The following CALN1 variants were observed in gnomAD, a reference collection of about 807,000 sequenced individuals.
The protein encoded by CALN1 is calcium-binding protein 8.
In CALN1, 17 loss-of-function variants were observed where a neutral mutation model predicts 30.6. That is an observed-to-expected ratio of 0.56 (90% CI 0.38 to 0.83). The LOEUF (loss-of-function observed/expected upper bound fraction) is 0.83. Among genes scored for constraint, CALN1 ranks in the 40% least tolerant of loss-of-function variants. The probability of loss-of-function intolerance (pLI) is 0.00; values close to 1 mark genes in which losing one functional copy is unlikely to be tolerated. For missense variants in CALN1, 291 were observed against 354.9 expected (o/e 0.82, Z 1.45); for synonymous variants, 156 against 131.4 (o/e 1.19, Z -1.28).
chr7:72,338,470 A>AGTGTGTGTGTGTGTGTGTGTGTGT lies in CALN1; in HGVS notation c.120-59684_120-59661dup, dbSNP rs56695086. ...GGGCGTTTTTGTCAGCCAGCAGCAC[A>AGTGTGTGTGTGTGTGTGTGTGTGT]GTGTGTGTGTGTGTGTGTGTGTGTG... On this transcript the variant is annotated intron_variant, in intron 2 of 6. Transcript: ENST00000395275. 9.5e-4 allele frequency among the ~76,000 whole-genome samples: 71 copies of AGTGTGTGTGTGTGTGTGTGTGTGT among 74,792 alleles called. 4 individuals are homozygous for AGTGTGTGTGTGTGTGTGTGTGTGT. The highest frequency in any genetic ancestry group is 1.5e-3 in the South Asian group (3 of 1,990). The allele number at this position is 74,792 out of a possible 152,430, so 49.1% of individuals were successfully genotyped here. A position where few individuals can be genotyped will look rare whatever the true frequency, so the allele number is the denominator to read the frequency against.
intron 5 of CALN1, among the ~76,000 whole-genome samples, chr7:71,826,726 G>C (rs931387985): frequency 1.3e-5 from 2 of 152,110 alleles, no homozygotes; most frequent in Non-Finnish European, 2.9e-5. Context: ...TTTCCTACAG[G>C]TCTCGCCCAA....
At chr7:72,470,312 G>A in the CALN1 span, among the ~76,000 whole-genome samples, 1 of 152,178 alleles carries the variant, frequency 6.6e-6, no homozygotes, top group African/African-American at 2.4e-5. Context: ...AGGATGCTGA[G>A]GCAGGAGGAT....
chr7:72,140,332 AAGGAAGGAAGGGAGGGAGGGAGGG>A lies in CALN1; in HGVS notation c.245-34062_245-34039del, dbSNP rs1230025750. 2.4e-3 allele frequency among the ~76,000 whole-genome samples: 195 copies of A among 82,602 alleles called. 2 individuals carry two copies. Among genetic ancestry groups the A allele is most frequent in the South Asian group, 0.023 (42 of 1,842 alleles). The allele number at this position is 82,602 out of a possible 152,430, so 54.2% of individuals were successfully genotyped here. A position where few individuals can be genotyped will look rare whatever the true frequency, so the allele number is the denominator to read the frequency against. ...GAAAGAGAGGAACAGAGAAAGGGAG[AAGGAAGGAAGGGAGGGAGGGAGGG>A]AGGGAGGGAGGGAGGGAGGGAGGGA... is the stretch of plus-strand genomic sequence containing the variant. On this transcript the variant is annotated intron_variant, in intron 3 of 6. Coordinates refer to ENST00000395275, the MANE Select transcript of CALN1 (RefSeq NM_031468.4).
chr7:71,820,310 T>G (rs908656567), intron 5 of CALN1, among the ~76,000 whole-genome samples: 1 of 152,140 alleles, frequency 6.6e-6, no homozygotes, highest in Non-Finnish European at 1.5e-5. Context: ...TGTCCAGCCT[T>G]TTTAGACTGA....
intron 6 of CALN1, among the ~76,000 whole-genome samples, chr7:71,799,443 T>G (rs969124046): frequency 7.2e-6 from 1 of 139,418 alleles, no homozygotes; most frequent in Non-Finnish European, 1.5e-5. Context: ...ATTTATTTAT[T>G]TATTTATTTA....
chr7:71,983,920 A>C (rs555707478), intron 5 of CALN1, among the ~76,000 whole-genome samples: 11 of 152,230 alleles, frequency 7.2e-5, no homozygotes, highest in Non-Finnish European at 1.5e-4. Flanking sequence ...AAATATAATC[A>C]AACTATATTA....
chr7:72,327,335 A>G (rs1281029036), intron 2 of CALN1, among the ~76,000 whole-genome samples: 2 of 152,210 alleles, frequency 1.3e-5, no homozygotes, highest in Non-Finnish European at 1.5e-5. Context: ...TCTACTAAAA[A>G]TACGAAAATT....
intron 3 of CALN1, among the ~76,000 whole-genome samples, chr7:72,149,645 A>G (rs955330431): frequency 3.3e-5 from 5 of 151,934 alleles, no homozygotes; most frequent in African/African-American, 9.7e-5. Flanking sequence ...CTTCTATCCC[A>G]TAATACTCCC....
intron 4 of CALN1, among the ~76,000 whole-genome samples, chr7:72,086,653 C>G (rs1001604907): frequency 2.6e-5 from 4 of 152,136 alleles, no homozygotes; most frequent in Non-Finnish European, 5.9e-5. Context: ...AGGCTTGTCT[C>G]AAACTCCTGA....
intron 2 of CALN1, among the ~76,000 whole-genome samples, chr7:72,345,168 T>C (rs1254326144): frequency 1.3e-5 from 2 of 149,880 alleles, no homozygotes; most frequent in East Asian, 1.9e-4. Flanking sequence ...GAAAAGAACA[T>C]CTTACAGATC....
chr7:72,213,107 G>A (rs1310146270), intron 3 of CALN1, among the ~76,000 whole-genome samples: 5 of 152,214 alleles, frequency 3.3e-5, no homozygotes, highest in South Asian at 2.1e-4. Flanking sequence ...ACGTGGGTCC[G>A]TTCTGGCAGT....
At chr7:71,958,314 T>C (rs1797073064) in intron 5 of CALN1, among the ~76,000 whole-genome samples, 1 of 152,130 alleles carries the variant, frequency 6.6e-6, no homozygotes, top group South Asian at 2.1e-4. Context: ...TCTTGCCCTA[T>C]TCTCATACTG....
intron 3 of CALN1, among the ~76,000 whole-genome samples, chr7:72,151,730 G>A (rs949135011): frequency 6.6e-6 from 1 of 151,950 alleles, no homozygotes; most frequent in Admixed American, 6.6e-5. Context: ...GTTGTTGTTA[G>A]AGACAGGGTC....
chr7:72,179,058 T>G (rs1789570890), intron 3 of CALN1, among the ~76,000 whole-genome samples: 1 of 152,200 alleles, frequency 6.6e-6, no homozygotes, highest in Non-Finnish European at 1.5e-5. Flanking sequence ...AAGGTAAAAC[T>G]TAGATATTTT....
intron 1 of CALN1, among the ~76,000 whole-genome samples, chr7:72,427,153 T>TA (rs1173060996): frequency 3.1e-4 from 47 of 152,262 alleles, no homozygotes; most frequent in African/African-American, 1.1e-3. Flanking sequence ...TGACTAATTT[T>TA]AAAAAATTAT....
upstream of CALN1, among the ~76,000 whole-genome samples, chr7:72,449,868 C>G (rs1413208999): frequency 3.1e-5 from 3 of 97,776 alleles, no homozygotes; most frequent in Admixed American, 2.8e-4. Context: ...GAGCAAGACT[C>G]CGTCTCAAAA....
chr7:72,496,973 T>A, the CALN1 span, among the ~76,000 whole-genome samples: 1 of 152,154 alleles, frequency 6.6e-6, no homozygotes, highest in African/African-American at 2.4e-5. Context: ...AGACAAGGAA[T>A]GTGGAAAAGG....
At chr7:71,831,326 A>G (rs986300118) in intron 5 of CALN1, among the ~76,000 whole-genome samples, 2 of 152,046 alleles carry the variant, frequency 1.3e-5, no homozygotes, top group African/African-American at 4.8e-5. Context: ...TAAAAATACA[A>G]AAAATTAGCC....
At chr7:72,402,134 G>C (rs574595759) in intron 2 of CALN1, among the ~76,000 whole-genome samples, 1 of 152,112 alleles carries the variant, frequency 6.6e-6, no homozygotes, top group African/African-American at 2.4e-5. Context: ...TCCTATTCCA[G>C]ATGCTTCCTC....
Sources: gnomAD v4.1 joint callset for allele counts (sites outside exome capture counted in the v4.1 genomes callset) on GRCh38, gnomAD v4.1.1 for gene constraint, MANE v1.5 for transcripts, NCBI Gene and HGNC (gene_info 2026-07-23, HGNC 2026-07-21) for gene names.